The following AFF3 variants were observed in gnomAD, a reference collection of about 807,000 sequenced individuals.
The protein encoded by AFF3 is AF4/FMR2 family member 3.
In AFF3, 32 loss-of-function variants were observed where a neutral mutation model predicts 129.7. The observed-to-expected ratio is 0.25, with a 90% CI of 0.19 to 0.33. The LOEUF (loss-of-function observed/expected upper bound fraction) is 0.33, where lower values mean the gene tolerates loss of function less well. Ranked by LOEUF, AFF3 falls within the 10% of genes least tolerant of loss-of-function variation. AFF3 has a pLI of 1.00. For missense variants in AFF3, 1,373 were observed against 1,592.0 expected, an observed-to-expected ratio of 0.86 and a Z score of 2.34; for synonymous variants, 644 against 635.4, an observed-to-expected ratio of 1.01 and a Z score of -0.20.
At chr2:99,645,923 A>T (rs1479358745) in intron 13 of AFF3, among the ~76,000 whole-genome samples, 1 of 152,158 alleles carries the variant, frequency 6.6e-6, no homozygotes, top group Non-Finnish European at 1.5e-5. Context: ...ACATCTGGAC[A>T]TTCTCTAACC....
At chr2:99,704,532 GA>G (rs1428024314) in intron 11 of AFF3, among the ~76,000 whole-genome samples, 1 of 152,300 alleles carries the variant, frequency 6.6e-6, no homozygotes, top group African/African-American at 2.4e-5. Context: ...TGGGCCCAAG[GA>G]AATTAGAGTT....
chr2:100,024,879 T>G (rs1399514085), intron 4 of AFF3, among the ~76,000 whole-genome samples: 5 of 152,106 alleles, frequency 3.3e-5, no homozygotes, highest in Non-Finnish European at 7.4e-5. Context: ...ACATGAAAAT[T>G]TTAAAATAGT....
intron 12 of AFF3, among the ~76,000 whole-genome samples, chr2:99,663,580 T>C (rs1686426741): frequency 6.6e-6 from 1 of 152,236 alleles, no homozygotes; most frequent in African/African-American, 2.4e-5. Flanking sequence ...GTGCAAGAAG[T>C]AAATTAACGC....
chr2:100,094,157 A>G (rs1690094966), intron 4 of AFF3, among the ~76,000 whole-genome samples: 1 of 152,230 alleles, frequency 6.6e-6, no homozygotes, highest in Non-Finnish European at 1.5e-5. Context: ...AGTTTTGTAG[A>G]CGACTTTTTT....
chr2:99,635,125 G>GTATATGATATATACACATATCTCTAT lies in AFF3; in HGVS notation c.1184+14500_1184+14501insATAGAGATATGTGTATATATCATATA, dbSNP rs1558676039. ...TATATGATATATACACATATCTCTA[G>GTATATGATATATACACATATCTCTAT]GTATATGATATATACACATATCTCT... On this transcript the variant is annotated intron_variant, in intron 13 of 24. Coordinates refer to ENST00000672756, the MANE Select transcript of AFF3 (RefSeq NM_001386135.1). Among the ~76,000 whole-genome samples, 10 of 123,688 alleles carry GTATATGATATATACACATATCTCTAT rather than the reference G, an allele frequency of 8.1e-5. No homozygotes were observed. The East Asian group carries it at 9.5e-4, about 12-fold the overall frequency. 81.1% of individuals were successfully genotyped at this position (123,688 alleles called of 152,430 possible).
chr2:100,048,937 T>A (rs1408150478), intron 4 of AFF3, among the ~76,000 whole-genome samples: 1 of 152,118 alleles, frequency 6.6e-6, no homozygotes, highest in Non-Finnish European at 1.5e-5. Context: ...CAAATTCGGT[T>A]TTTTAAAATA....
At chr2:99,728,261 T>C (rs1209765150) in intron 10 of AFF3, among the ~76,000 whole-genome samples, 1 of 152,192 alleles carries the variant, frequency 6.6e-6, no homozygotes, top group African/African-American at 2.4e-5. Context: ...GCTCGTGTGT[T>C]TCCTGATGGT....
intron 11 of AFF3, among the ~76,000 whole-genome samples, chr2:99,701,924 T>C (rs1676906326): frequency 6.6e-6 from 1 of 152,238 alleles, no homozygotes; most frequent in Non-Finnish European, 1.5e-5. Flanking sequence ...GTATCTATCC[T>C]TTTGAAATTG....
At chr2:99,957,291 T>TA (rs1676756461) in intron 7 of AFF3, among the ~76,000 whole-genome samples, 1 of 152,244 alleles carries the variant, frequency 6.6e-6, no homozygotes. Context: ...CTGTTATTGT[T>TA]AAACAATTTA....
intron 4 of AFF3, among the ~76,000 whole-genome samples, chr2:100,075,515 A>G (rs1688518730): frequency 1.3e-5 from 2 of 152,166 alleles, no homozygotes; most frequent in Non-Finnish European, 2.9e-5. Flanking sequence ...GCCCTTCCAC[A>G]GAGCACCACC....
At chr2:100,086,825 C>T (rs1411318496) in intron 4 of AFF3, among the ~76,000 whole-genome samples, 1 of 152,244 alleles carries the variant, frequency 6.6e-6, no homozygotes, top group African/African-American at 2.4e-5. Context: ...ACATTCCACA[C>T]ATTTATAAAG....
intron 8 of AFF3, among the ~76,000 whole-genome samples, chr2:99,768,368 G>C (rs1683189665): frequency 6.6e-6 from 1 of 152,064 alleles, no homozygotes; most frequent in Admixed American, 6.5e-5. Context: ...CTAAGATGGG[G>C]ATTATATTAA....
intron 12 of AFF3, among the ~76,000 whole-genome samples, chr2:99,662,362 G>T (rs1176282695): frequency 6.6e-6 from 1 of 152,022 alleles, no homozygotes; most frequent in Non-Finnish European, 1.5e-5. Flanking sequence ...AACAGATTGG[G>T]TATTTAGCTC....
intron 11 of AFF3, among the ~76,000 whole-genome samples, chr2:99,690,732 T>C (rs760281986): frequency 6.6e-6 from 1 of 152,140 alleles, no homozygotes; most frequent in Non-Finnish European, 1.5e-5. Context: ...AATCAGACTT[T>C]TCACAAATAT....
At position 99,969,478 on chromosome 2, in the gene AFF3, C is replaced by CATTTATTTATTTATTTATTTATTT. The variant is rs6146857; in HGVS notation, c.873+37130_873+37153dup. On this transcript the variant is annotated intron_variant, in intron 7 of 24. Coordinates refer to ENST00000672756, the MANE Select transcript of AFF3 (RefSeq NM_001386135.1). ...TTAGACACAAATTTTATTTTATTTT[C>CATTTATTTATTTATTTATTTATTT]ATTTATTTATTTATTTATTTATTTT... 4.2e-3 allele frequency among the ~76,000 whole-genome samples: 637 copies of CATTTATTTATTTATTTATTTATTT among 150,510 alleles called. 2 individuals carry two copies. The highest frequency in any genetic ancestry group is 6.8e-3 in the African/African-American group (277 of 40,606).
intron 4 of AFF3, among the ~76,000 whole-genome samples, chr2:100,084,066 CT>C (rs1479641549): frequency 6.6e-6 from 1 of 152,224 alleles, no homozygotes; most frequent in African/African-American, 2.4e-5. Flanking sequence ...TTCTCTCTCA[CT>C]GATTAAACTA....
intron 7 of AFF3, among the ~76,000 whole-genome samples, chr2:99,880,877 GC>G (rs910636695): frequency 2.0e-5 from 3 of 152,208 alleles, no homozygotes; most frequent in African/African-American, 4.8e-5. Flanking sequence ...ATGTACTTAT[GC>G]ATAAGGGCTG....
intron 12 of AFF3, among the ~76,000 whole-genome samples, chr2:99,655,743 T>TA (rs916509186): frequency 5.3e-5 from 8 of 151,842 alleles, no homozygotes; most frequent in Non-Finnish European, 1.2e-4. Context: ...ATTATATAAT[T>TA]AAAAAAAATA....
At chr2:99,749,548 T>A (rs559785640) in intron 9 of AFF3, among the ~76,000 whole-genome samples, 1 of 152,364 alleles carries the variant, frequency 6.6e-6, no homozygotes, top group East Asian at 1.9e-4. Flanking sequence ...TTGGCTAGAT[T>A]ACGTGCAAAG....
Sources: gnomAD v4.1 joint callset for allele counts (sites outside exome capture counted in the v4.1 genomes callset) on GRCh38, gnomAD v4.1.1 for gene constraint, MANE v1.5 for transcripts, NCBI Gene and HGNC (gene_info 2026-07-23, HGNC 2026-07-21) for gene names.